RELCH: variants seen among roughly 807,000 people sequenced by gnomAD.
RELCH encodes the protein RAB11 binding and LisH domain, coiled-coil and HEAT repeat containing.
RELCH carries 41 observed loss-of-function variants against 150.3 expected under a neutral mutation model. The observed-to-expected ratio is 0.27, with a 90% CI of 0.21 to 0.35. The LOEUF is 0.35. RELCH is among the 10% of genes least tolerant of loss of function. The pLI is 1.00. For missense variants in RELCH, 1,092 were observed against 1,467.8 expected (o/e 0.74, Z 4.18); for synonymous variants, 478 against 531.8 (o/e 0.90, Z 1.39).
chr18:62,283,470 A>T (rs2044631124), intron 25 of RELCH, among the ~76,000 whole-genome samples: 7 of 152,176 alleles, frequency 4.6e-5, no homozygotes, highest in Admixed American at 4.6e-4. Flanking sequence ...TTTAGTTTCT[A>T]GTACATTATT....
intron 19 of RELCH, among the ~76,000 whole-genome samples, chr18:62,267,062 C>T (rs1600154064): frequency 6.6e-6 from 1 of 151,854 alleles, no homozygotes; most frequent in Non-Finnish European, 1.5e-5. Flanking sequence ...AAGAGACTGA[C>T]AATTATAAAA....
At position 62,221,056 on chromosome 18, in the gene RELCH, G is replaced by A. The variant is rs1263217365; in HGVS notation, c.636G>A (p.Arg212=). The part of the protein sequence containing the change: ...EKVAVLEFEL[R]KAKETIQALR... ...GTCCAGTCCTGGAGTTTGAACTACG[G>A]AAAGCCAAGGAGACCATTCAGGCCC... is the stretch of plus-strand genomic sequence containing the variant. The change falls in exon 3 of 29, where the codon CGG becomes CGA. Residue 212 remains arginine (R), a synonymous_variant. Transcript: ENST00000644646. 1 of 1,613,162 alleles carries A rather than the reference G, an allele frequency of 6.2e-7. No homozygotes were observed. Among genetic ancestry groups the A allele is most frequent in the African/African-American group, 1.3e-5 (1 of 74,794 alleles).
In RELCH at chr18:62,221,057, A is replaced by G; in HGVS notation, c.637A>G (p.Lys213Glu). The change falls in exon 3 of 29, where the codon AAA becomes GAA. Residue 213 changes from lysine (K) to glutamate (E), a missense_variant. By Grantham distance (56) the Lys-to-Glu change is moderately conservative. Around this residue, in one of 4 missense-constraint regions of RELCH, gnomAD observed 190 missense variants for 276.2 expected, o/e 0.69. Transcript: ENST00000644646. The stretch of plus-strand genomic sequence containing the variant: ...TCCAGTCCTGGAGTTTGAACTACGG[A>G]AAGCCAAGGAGACCATTCAGGCCCT... The part of the protein sequence containing the change: ...KVAVLEFELR[K>E]AKETIQALRA... 6.2e-7 allele frequency: 1 copy of G among 1,613,374 alleles called. No homozygotes were observed.
chr18:62,225,346 T>A (rs1343690164), intron 5 of RELCH, among the ~76,000 whole-genome samples: 4 of 152,028 alleles, frequency 2.6e-5, no homozygotes, highest in Non-Finnish European at 5.9e-5. Context: ...TCAGATTTGC[T>A]CTCATCAAAA....
intron 20 of RELCH, among the ~76,000 whole-genome samples, chr18:62,270,981 C>T (rs1481220551): frequency 6.6e-6 from 1 of 152,116 alleles, no homozygotes; most frequent in Non-Finnish European, 1.5e-5. Context: ...TTTCTTAATC[C>T]AATCTATCAT....
At position 62,244,850 on chromosome 18, in the gene RELCH, G is replaced by T; in HGVS notation, c.1707G>T (p.Leu569Phe). The T allele has an allele frequency of 6.2e-7, 1 of 1,612,450 alleles. No homozygotes were observed. Among genetic ancestry groups the T allele is most frequent in the South Asian group, 1.1e-5 (1 of 90,988 alleles). Reference sequence around the variant, plus strand: ...AGCTTCTCCACATACTTTTCAATTTGATCAAGAGGCCAGATGATGAGCAAA... The same window carrying T: ...AGCTTCTCCACATACTTTTCAATTTTATCAAGAGGCCAGATGATGAGCAAA... ...RDQLLHILFN[L>F]IKRPDDEQRQ... Residue 569 changes from leucine (L) to phenylalanine (F), a missense_variant, in exon 11 of 29, where the codon TTG (leucine) becomes TTT (phenylalanine). Leu to Phe is a conservative substitution (Grantham distance 22). This residue lies in a region of RELCH where 707 missense variants were observed against 1,025.4 expected (regional missense o/e 0.69). Transcript: ENST00000644646.
At chr18:62,206,789 G>A (rs1453532123) in intron 1 of RELCH, among the ~76,000 whole-genome samples, 1 of 144,416 alleles carries the variant, frequency 6.9e-6, no homozygotes, top group Non-Finnish European at 1.5e-5. Context: ...GCCTGCTCCC[G>A]CCCCACCCAC....
chr18:62,262,711 A>G (rs1210316237), intron 16 of RELCH, among the ~76,000 whole-genome samples: 3 of 151,950 alleles, frequency 2.0e-5, no homozygotes, highest in Admixed American at 2.0e-4. Flanking sequence ...TCATTTAGGC[A>G]TTTCATCTGC....
intron 5 of RELCH, among the ~76,000 whole-genome samples, chr18:62,226,106 A>G (rs2041200932): frequency 6.6e-6 from 1 of 152,058 alleles, no homozygotes; most frequent in Non-Finnish European, 1.5e-5. Flanking sequence ...GATTAAGAAT[A>G]TCACATTTAG....
intron 1 of RELCH, among the ~76,000 whole-genome samples, chr18:62,199,784 G>A (rs1031758976): frequency 6.6e-6 from 1 of 152,148 alleles, no homozygotes; most frequent in Non-Finnish European, 1.5e-5. Context: ...TTTGCTGTCG[G>A]AGAGCTTGAG....
intron 14 of RELCH, 70 bp downstream of exon 14, chr18:62,258,158 T>G: frequency 1.5e-6 from 2 of 1,300,506 alleles, no homozygotes; most frequent in Non-Finnish European, 2.2e-6. Flanking sequence ...TCCAAATCTC[T>G]GATTTAGATA....
chr18:62,266,923 A>G (rs2043595429), intron 19 of RELCH, among the ~76,000 whole-genome samples, 174 bp downstream of exon 19: 2 of 151,946 alleles, frequency 1.3e-5, no homozygotes, highest in South Asian at 2.1e-4. Context: ...TATCCTTCCC[A>G]TTAGTGGCAG....
intron 1 of RELCH, among the ~76,000 whole-genome samples, chr18:62,189,345 G>A (rs938277973): frequency 6.6e-6 from 1 of 150,810 alleles, no homozygotes; most frequent in African/African-American, 2.4e-5. Context: ...ACCAGACAAG[G>A]TCTAGCTAAG....
intron 28 of RELCH, 138 bp downstream of exon 28, chr18:62,298,998 A>G: frequency 3.5e-6 from 2 of 575,158 alleles, no homozygotes; most frequent in South Asian, 4.9e-5. Flanking sequence ...GATTTAAGTC[A>G]TTGGTTCTCA....
chr18:62,223,295 A>T (rs1370124091), intron 5 of RELCH, among the ~76,000 whole-genome samples: 1 of 151,588 alleles, frequency 6.6e-6, no homozygotes, highest in Non-Finnish European at 1.5e-5. Context: ...GAGCAAGGTT[A>T]CATCACTACA....
At chr18:62,205,293 T>G (rs556915435) in intron 1 of RELCH, among the ~76,000 whole-genome samples, 3 of 152,336 alleles carry the variant, frequency 2.0e-5, no homozygotes, top group Non-Finnish European at 4.4e-5. Context: ...ACAAAGAATG[T>G]ACCTGTAGTA....
At chr18:62,255,532 C>A in intron 13 of RELCH, 54 bp downstream of exon 13, 1 of 1,305,862 alleles carries the variant, frequency 7.7e-7, no homozygotes. Flanking sequence ...ATAGAAAAAC[C>A]TTTTTTTGAG....
At chr18:62,294,628 A>T (rs2045314290) in intron 27 of RELCH, among the ~76,000 whole-genome samples, 1 of 152,172 alleles carries the variant, frequency 6.6e-6, no homozygotes, top group African/African-American at 2.4e-5. Context: ...CCAATTTATG[A>T]CATGTCTTTT....
At chr18:62,238,116 T>G (rs1237615008) in intron 10 of RELCH, among the ~76,000 whole-genome samples, 1 of 151,934 alleles carries the variant, frequency 6.6e-6, no homozygotes, top group Non-Finnish European at 1.5e-5. Flanking sequence ...ATTTCAAAGA[T>G]ACTAAAAAGT....
Sources: allele counts gnomAD v4.1 joint callset (sites outside exome capture counted in the v4.1 genomes callset), GRCh38; gene constraint gnomAD v4.1.1; regional missense constraint gnomAD v4.1.1; transcripts MANE v1.5; gene names NCBI Gene and HGNC (gene_info 2026-07-23, HGNC 2026-07-21).